The following CCDC91 variants were observed in gnomAD, a reference collection of about 807,000 sequenced individuals.
CCDC91 encodes the protein coiled-coil domain-containing protein 91.
In CCDC91, 48 loss-of-function variants were observed where a neutral mutation model predicts 63.2. That is an observed-to-expected ratio of 0.76 (90% CI 0.60 to 0.97). The LOEUF (loss-of-function observed/expected upper bound fraction) is 0.97. CCDC91 is among the 50% of genes least tolerant of loss of function. CCDC91 has a pLI of 0.00. For missense variants in CCDC91, 500 were observed against 494.6 expected (o/e 1.01, Z -0.10); for synonymous variants, 167 against 165.8 (o/e 1.01, Z -0.06).
intron 12 of CCDC91, among the ~76,000 whole-genome samples, chr12:28,519,003 G>C (rs1247028878): frequency 6.6e-6 from 1 of 151,648 alleles, no homozygotes; most frequent in East Asian, 1.9e-4. Flanking sequence ...TTTTGTTTTT[G>C]CTTAGTCTTG....
intron 3 of CCDC91, chr12:28,304,582 T>C (rs1487651002): frequency 6.6e-6 from 5 of 756,720 alleles, no homozygotes; most frequent in Non-Finnish European, 9.4e-6. Context: ...GATGTATTTG[T>C]TATTTTGTTT....
At chr12:28,228,127 G>C (rs1944383875) in intron 1 of CCDC91, among the ~76,000 whole-genome samples, 1 of 151,854 alleles carries the variant, frequency 6.6e-6, no homozygotes, top group Admixed American at 6.6e-5. Context: ...TCCCACCATA[G>C]GTACCTTATC....
chr12:28,417,424 A>G (rs2139839785), intron 8 of CCDC91, among the ~76,000 whole-genome samples: 1 of 152,122 alleles, frequency 6.6e-6, no homozygotes, highest in South Asian at 2.1e-4. Flanking sequence ...CCCATCCCTG[A>G]TACTTGGCAG....
At chr12:28,242,812 C>A (rs976720811) in intron 1 of CCDC91, among the ~76,000 whole-genome samples, 3 of 152,096 alleles carry the variant, frequency 2.0e-5, no homozygotes, top group African/African-American at 7.2e-5. Flanking sequence ...TGGTTTAGCA[C>A]CATCCCCTCT....
intron 12 of CCDC91, among the ~76,000 whole-genome samples, chr12:28,506,549 T>TA (rs1205238651): frequency 8.6e-5 from 13 of 151,996 alleles, no homozygotes; most frequent in Non-Finnish European, 1.5e-4. Flanking sequence ...TGCTGGAAGC[T>TA]AAAAAGCAAC....
intron 8 of CCDC91, among the ~76,000 whole-genome samples, chr12:28,438,051 T>A (rs1018059025): frequency 3.3e-5 from 5 of 152,174 alleles, no homozygotes; most frequent in African/African-American, 1.2e-4. Flanking sequence ...AGTGTAAGGA[T>A]GTTTATGACA....
At chr12:28,441,310 G>A (rs1309767134) in intron 8 of CCDC91, among the ~76,000 whole-genome samples, 10 of 151,774 alleles carry the variant, frequency 6.6e-5, no homozygotes, top group Non-Finnish European at 1.2e-4. Flanking sequence ...AACCATTTTG[G>A]AAAAAGATTT....
chr12:28,258,320 G>T (rs1946586601), intron 2 of CCDC91, among the ~76,000 whole-genome samples: 1 of 150,650 alleles, frequency 6.6e-6, no homozygotes, highest in South Asian at 2.1e-4. Context: ...ATATCATCTG[G>T]CTTAGTTTAT....
At position 28,268,558 on chromosome 12, in the gene CCDC91, G is replaced by A. The variant is rs11049498; in HGVS notation, c.109+9116G>A. The A allele has an allele frequency of 0.037, 18,265 of 492,658 alleles. 1,039 individuals carry two copies. The East Asian group carries it at 0.45, about 12-fold the overall frequency. The allele number at this position is 492,658 out of a possible 1,614,324, so 30.5% of individuals were successfully genotyped here. On this transcript the variant is annotated intron_variant, in intron 3 of 12. Coordinates refer to ENST00000536442, the MANE Select transcript of CCDC91 (RefSeq NM_018318.5). Reference sequence around the variant, plus strand: ...AACACCACATTTTCATAGAATCTGTGAAGTCTAGAATATCAGTCTCCCCTT... The same window carrying A: ...AACACCACATTTTCATAGAATCTGTAAAGTCTAGAATATCAGTCTCCCCTT...
chr12:28,271,644 G>A (rs1396600560), intron 3 of CCDC91, among the ~76,000 whole-genome samples: 1 of 151,720 alleles, frequency 6.6e-6, no homozygotes, highest in Non-Finnish European at 1.5e-5. Context: ...AAAGTTATTA[G>A]TTTGGAAGTT....
At chr12:28,421,692 A>C (rs1270845073) in intron 8 of CCDC91, among the ~76,000 whole-genome samples, 28 of 151,990 alleles carry the variant, frequency 1.8e-4, no homozygotes, top group Admixed American at 1.8e-3. Context: ...AAGAAGAAGA[A>C]ATTCCTCCTC....
chr12:28,376,199 C>T (rs1216202137), intron 7 of CCDC91, among the ~76,000 whole-genome samples: 1 of 151,656 alleles, frequency 6.6e-6, no homozygotes, highest in Non-Finnish European at 1.5e-5. Flanking sequence ...ATTTGTTGGT[C>T]AATGTATTCT....
intron 11 of CCDC91, among the ~76,000 whole-genome samples, chr12:28,463,303 A>G (rs1950397822): frequency 1.3e-5 from 2 of 152,210 alleles, no homozygotes; most frequent in African/African-American, 2.4e-5. Flanking sequence ...TAAAACAGAG[A>G]TGGAATTAAT....
chr12:28,445,860 C>T (rs920367212), intron 8 of CCDC91, among the ~76,000 whole-genome samples: 3 of 152,152 alleles, frequency 2.0e-5, no homozygotes, highest in Non-Finnish European at 4.4e-5. Context: ...ATCCCAGTTA[C>T]CTCCTAAAGG....
intron 7 of CCDC91, among the ~76,000 whole-genome samples, chr12:28,390,484 A>T (rs1388799256): frequency 6.6e-6 from 1 of 152,144 alleles, no homozygotes; most frequent in Non-Finnish European, 1.5e-5. Flanking sequence ...TTGTTGATAT[A>T]ACATACAAAG....
chr12:28,496,039 C>T (rs927632241), intron 12 of CCDC91, among the ~76,000 whole-genome samples: 21 of 151,644 alleles, frequency 1.4e-4, no homozygotes, highest in African/African-American at 4.6e-4. Context: ...CTTCTAGAAC[C>T]AATTTACATA....
At chr12:28,487,505 T>A (rs1951787601) in intron 12 of CCDC91, among the ~76,000 whole-genome samples, 1 of 151,824 alleles carries the variant, frequency 6.6e-6, no homozygotes, top group Non-Finnish European at 1.5e-5. Context: ...AACAAAAGTT[T>A]TTTAGCAAAT....
chr12:28,304,681 C>T, intron 3 of CCDC91: 6 of 1,272,348 alleles, frequency 4.7e-6, no homozygotes, highest in Non-Finnish European at 6.1e-6. Context: ...TAGAACTTCA[C>T]TGAAGTTGCT....
At chr12:28,191,612 A>C (rs1326802412) in intron 1 of CCDC91, among the ~76,000 whole-genome samples, 1 of 146,118 alleles carries the variant, frequency 6.8e-6, no homozygotes, top group Non-Finnish European at 1.5e-5. Context: ...ATTTTACTTC[A>C]CAATTTAAGG....
Sources: allele counts gnomAD v4.1 joint callset (sites outside exome capture counted in the v4.1 genomes callset), GRCh38; gene constraint gnomAD v4.1.1; transcripts MANE v1.5; gene names NCBI Gene and HGNC (gene_info 2026-07-23, HGNC 2026-07-21).